GLDC: variants seen among roughly 807,000 people sequenced by gnomAD.
GLDC encodes glycine decarboxylase, also known as glycine dehydrogenase (decarboxylating), mitochondrial.
GLDC carries 104 observed loss-of-function variants against 121.3 expected under a neutral mutation model. The observed-to-expected ratio is 0.86, with a 90% CI of 0.73 to 1.01. The LOEUF is 1.01. Among genes scored for constraint, GLDC ranks in the 50% least tolerant of loss-of-function variants. The probability of loss-of-function intolerance (pLI) is 0.00; values close to 1 mark genes in which losing one functional copy is unlikely to be tolerated. For missense variants in GLDC, 1,429 were observed against 1,306.6 expected, an observed-to-expected ratio of 1.09 and a Z score of -1.44; for synonymous variants, 546 against 480.6, an observed-to-expected ratio of 1.14 and a Z score of -1.78.
At chr9:6,538,112 T>A (rs1014958520) in intron 22 of GLDC, among the ~76,000 whole-genome samples, 1 of 123,382 alleles carries the variant, frequency 8.1e-6, no homozygotes, top group African/African-American at 4.6e-5. Context: ...CAGACAGGGA[T>A]TTTTTTTTTT....
At chr9:6,579,215 A>AT (rs1246022832) in intron 15 of GLDC, among the ~76,000 whole-genome samples, 1 of 152,140 alleles carries the variant, frequency 6.6e-6, no homozygotes, top group African/African-American at 2.4e-5. Flanking sequence ...TTTTGTATTT[A>AT]TTAATCCTTG....
At chr9:6,633,822 T>C (rs1819440511) in intron 2 of GLDC, among the ~76,000 whole-genome samples, 1 of 31,446 alleles carries the variant, frequency 3.2e-5, no homozygotes, top group Non-Finnish European at 5.0e-5. Flanking sequence ...CAGGAGAATC[T>C]TTTTTTTTTT....
intron 9 of GLDC, among the ~76,000 whole-genome samples, chr9:6,593,536 A>C (rs964955027): frequency 1.3e-5 from 2 of 151,994 alleles, no homozygotes; most frequent in Non-Finnish European, 2.9e-5. Flanking sequence ...TCTGGGACTC[A>C]AGCAATTCTC....
intron 4 of GLDC, among the ~76,000 whole-genome samples, chr9:6,609,437 A>G (rs1004892400): frequency 6.6e-6 from 1 of 152,118 alleles, no homozygotes; most frequent in Admixed American, 6.6e-5. Flanking sequence ...ACCCTTGACC[A>G]CAGTGCCAGG....
chr9:6,628,687 G>C (rs1819300079), intron 2 of GLDC, among the ~76,000 whole-genome samples: 1 of 152,192 alleles, frequency 6.6e-6, no homozygotes. Flanking sequence ...GCTGCAGTGA[G>C]CAGTGATTGC....
intron 9 of GLDC, among the ~76,000 whole-genome samples, chr9:6,593,681 G>A (rs886969866): frequency 6.7e-6 from 1 of 148,562 alleles, no homozygotes; most frequent in African/African-American, 2.5e-5. Flanking sequence ...GATGAACCAT[G>A]ATTTAATCAC....
chr9:6,553,284 G>A (rs946711526), intron 20 of GLDC, 84 bp downstream of exon 20: 2 of 1,219,814 alleles, frequency 1.6e-6, no homozygotes, highest in Non-Finnish European at 2.4e-6. Flanking sequence ...TTGTTTTTAA[G>A]CCAAGAAGTC....
chr9:6,589,092 G>C (rs2129838988), intron 12 of GLDC, 103 bp downstream of exon 12: 1 of 805,088 alleles, frequency 1.2e-6, no homozygotes, highest in Non-Finnish European at 2.2e-6. Context: ...GGCTGAGCCA[G>C]AATAACCAGG....
intron 3 of GLDC, among the ~76,000 whole-genome samples, chr9:6,618,903 G>C (rs1819020406): frequency 1.3e-5 from 2 of 151,940 alleles, no homozygotes; most frequent in Non-Finnish European, 2.9e-5. Flanking sequence ...CAGCCCTCTG[G>C]GAGGCCAAGG....
intron 17 of GLDC, among the ~76,000 whole-genome samples, 172 bp from the exon 18 acceptor site, chr9:6,556,474 C>G (rs890691912): frequency 3.3e-5 from 5 of 152,170 alleles, no homozygotes; most frequent in African/African-American, 4.8e-5. Context: ...AGCCATTACT[C>G]CCTTCACAAA....
At chr9:6,553,990 G>GAAA (rs952340876) in intron 19 of GLDC, among the ~76,000 whole-genome samples, 1 of 146,900 alleles carries the variant, frequency 6.8e-6, no homozygotes, top group Non-Finnish European at 1.5e-5. Flanking sequence ...CGTAGTCCAA[G>GAAA]AAAAAAAAAA....
rs191437089 is a variant in GLDC at position 6,554,407 on chromosome 9, T to A, written c.2315+262A>T. Among the ~76,000 whole-genome samples the A allele has an allele frequency of 1.5e-3, 225 of 152,346 alleles. 1 individual carries two copies. The highest frequency in any genetic ancestry group is 5.1e-3 in the African/African-American group (210 of 41,580). ...TCAGGTGAAGTTCCCTATTCATTAT[T>A]CTGTTAATAAACCTGCTGTCTATGT... is the stretch of plus-strand genomic sequence containing the variant. On this transcript the variant is annotated intron_variant, in intron 19 of 24. Transcript: ENST00000321612.
At chr9:6,557,137 T>C (rs1817650470) in intron 17 of GLDC, among the ~76,000 whole-genome samples, 1 of 152,206 alleles carries the variant, frequency 6.6e-6, no homozygotes, top group Non-Finnish European at 1.5e-5. Flanking sequence ...TATATAATTT[T>C]GAATAGTTAG....
intron 21 of GLDC, among the ~76,000 whole-genome samples, chr9:6,550,532 C>G (rs1195123200): frequency 6.6e-6 from 1 of 152,032 alleles, no homozygotes; most frequent in African/African-American, 2.4e-5. Context: ...GAGGCTGAGG[C>G]AAAAGAATCG....
chr9:6,551,261 A>G (rs986764241), intron 20 of GLDC, among the ~76,000 whole-genome samples: 3 of 152,180 alleles, frequency 2.0e-5, no homozygotes, highest in Admixed American at 6.5e-5. Context: ...GTTTACTATG[A>G]ATTTGAGAGG....
In GLDC at chr9:6,605,260, A is replaced by G. The variant is rs1307173302; in HGVS notation, c.732T>C (p.Thr244=). 1 of 1,613,914 alleles carries G rather than the reference A, an allele frequency of 6.2e-7. No individual in the cohort carries two copies. Among genetic ancestry groups the G allele is most frequent in the African/African-American group, 1.3e-5 (1 of 74,928 alleles). ...QTRAKYTGVL[T]ELKLPCEMDF... ...CCATTTCACAGGGTAACTTCAGCTC[A>G]GTGAGGACTCCAGTATATCTGGAAA... is the stretch of plus-strand genomic sequence containing the variant. Residue 244 remains threonine, a synonymous_variant, in exon 6 of 25, where the codon ACT becomes ACC. Coordinates refer to ENST00000321612, the MANE Select transcript of GLDC (RefSeq NM_000170.3).
chr9:6,547,759 T>A (rs1355788215), intron 21 of GLDC, among the ~76,000 whole-genome samples: 2 of 152,180 alleles, frequency 1.3e-5, no homozygotes, highest in Non-Finnish European at 2.9e-5. Flanking sequence ...CACAATGGAA[T>A]TGACAGTGCC....
chr9:6,554,792 G>C lies in GLDC; in HGVS notation c.2203-11C>G, dbSNP rs771697455. The C allele has an allele frequency of 1.2e-6, 2 of 1,602,306 alleles. No individual in the cohort carries two copies. On this transcript the variant is annotated splice_polypyrimidine_tract_variant and intron_variant, in intron 18 of 24. Coordinates refer to ENST00000321612, the MANE Select transcript of GLDC (RefSeq NM_000170.3). Reference sequence around the variant, plus strand: ...GCGACAGATTCCCACCTACCACAAAGGCAAGGGCCAAAAGCAAAAGTCAAG... The same window carrying C: ...GCGACAGATTCCCACCTACCACAAACGCAAGGGCCAAAAGCAAAAGTCAAG...
chr9:6,593,294 T>C (rs1241359692), intron 9 of GLDC, among the ~76,000 whole-genome samples: 1 of 150,364 alleles, frequency 6.7e-6, no homozygotes, highest in Non-Finnish European at 1.5e-5. Context: ...TATAAAATTA[T>C]ACCTTTTTTT....
Sources: allele counts gnomAD v4.1 joint callset (sites outside exome capture counted in the v4.1 genomes callset), GRCh38; gene constraint gnomAD v4.1.1; transcripts MANE v1.5; gene names NCBI Gene and HGNC (gene_info 2026-07-23, HGNC 2026-07-21).